Variants in CTNNA2 observed in about 807,000 individuals in gnomAD.
CTNNA2 encodes catenin alpha 2.
In CTNNA2, 42 loss-of-function variants were observed where a neutral mutation model predicts 101.0. The ratio of observed to expected loss-of-function variants is 0.42; its 90% CI spans 0.32 to 0.54. The LOEUF (loss-of-function observed/expected upper bound fraction) is 0.54, where lower values mean the gene tolerates loss of function less well. Among genes scored for constraint, CTNNA2 ranks in the 20% least tolerant of loss-of-function variants. The pLI is 0.14. For synonymous variants in CTNNA2, 450 were observed against 456.4 expected (o/e 0.99, Z 0.18); for missense variants, 871 against 1,223.1 (o/e 0.71, Z 4.29).
chr2:80,351,982 G>T (rs1257459103), intron 7 of CTNNA2, among the ~76,000 whole-genome samples: 1 of 152,026 alleles, frequency 6.6e-6, no homozygotes, highest in African/African-American at 2.4e-5. Context: ...TCCTCTCTTT[G>T]CAGGGACACA....
At chr2:79,307,986 A>G (rs1676284965) in intron 2 of CTNNA2, among the ~76,000 whole-genome samples, 1 of 151,602 alleles carries the variant, frequency 6.6e-6, no homozygotes, top group African/African-American at 2.4e-5. Context: ...CATTTTTTTG[A>G]TATATTTATT....
intron 3 of CTNNA2, among the ~76,000 whole-genome samples, chr2:79,352,301 G>T: frequency 6.6e-6 from 1 of 151,578 alleles, no homozygotes; most frequent in African/African-American, 2.4e-5. Context: ...TTTCTTCCTG[G>T]TTCAATCTTG....
chr2:80,512,222 C>G (rs1302389920), intron 9 of CTNNA2, among the ~76,000 whole-genome samples: 1 of 149,612 alleles, frequency 6.7e-6, no homozygotes, highest in Non-Finnish European at 1.5e-5. Flanking sequence ...ATTTAATTCT[C>G]ATCTGTTAGA....
intron 2 of CTNNA2, among the ~76,000 whole-genome samples, chr2:79,723,764 T>G (rs2104877485): frequency 6.6e-6 from 1 of 152,180 alleles, no homozygotes; most frequent in East Asian, 2.0e-4. Context: ...CCCCCCGCTC[T>G]AATGGTTCGA....
At position 79,226,222 on chromosome 2, in the gene CTNNA2, T is replaced by G. The variant is rs557383928; in HGVS notation, c.-406+28146T>G. The stretch of plus-strand genomic sequence containing the variant: ...TATTTTTCCTTGAAAGATTATATGA[T>G]GTACTCATGAAAAATAAACTTCACT... On this transcript the variant is annotated intron_variant, in intron 2 of 21. Coordinates refer to the CTNNA2 transcript ENST00000466387. Among the ~76,000 whole-genome samples, 91 of 152,302 alleles carry G rather than the reference T, an allele frequency of 6.0e-4. 1 individual carries two copies. The South Asian group carries it at 9.3e-3, about 16-fold the overall frequency.
intron 9 of CTNNA2, among the ~76,000 whole-genome samples, chr2:80,479,970 T>G (rs1686025474): frequency 6.6e-6 from 1 of 152,158 alleles, no homozygotes; most frequent in Non-Finnish European, 1.5e-5. Context: ...TTAAGGAAGA[T>G]ATCTAGACTT....
intron 3 of CTNNA2, among the ~76,000 whole-genome samples, chr2:79,345,957 C>T (rs1677254054): frequency 6.6e-6 from 1 of 151,690 alleles, no homozygotes; most frequent in Admixed American, 6.6e-5. Flanking sequence ...ATCTCGGCCT[C>T]CCAAAGTGCT....
intron 4 of CTNNA2, among the ~76,000 whole-genome samples, chr2:79,443,582 A>T (rs1678798929): frequency 1.3e-5 from 2 of 152,144 alleles, no homozygotes; most frequent in Admixed American, 1.3e-4. Flanking sequence ...AAGTTGACAC[A>T]TGGAATTAAC....
chr2:79,693,519 T>C (rs1684459397), intron 2 of CTNNA2, among the ~76,000 whole-genome samples: 1 of 151,964 alleles, frequency 6.6e-6, no homozygotes, highest in Non-Finnish European at 1.5e-5. Context: ...GTTTTTGTAC[T>C]AATGGGAATA....
At chr2:79,307,277 T>C (rs1676268689) in intron 2 of CTNNA2, among the ~76,000 whole-genome samples, 1 of 152,206 alleles carries the variant, frequency 6.6e-6, no homozygotes, top group Non-Finnish European at 1.5e-5. Context: ...TTTGAAATTA[T>C]ATCAGATATT....
intron 2 of CTNNA2, among the ~76,000 whole-genome samples, chr2:79,257,200 A>G: frequency 6.6e-6 from 1 of 152,192 alleles, no homozygotes; most frequent in East Asian, 1.9e-4. Flanking sequence ...ACACATATAC[A>G]CAACCAAAAA....
chr2:79,911,803 A>G (rs1008445855), intron 7 of CTNNA2, among the ~76,000 whole-genome samples: 2 of 152,222 alleles, frequency 1.3e-5, no homozygotes, highest in African/African-American at 4.8e-5. Flanking sequence ...AAACTGTATA[A>G]CATTTAGTTG....
At chr2:79,786,083 C>G (rs902125622) in intron 3 of CTNNA2, among the ~76,000 whole-genome samples, 2 of 152,082 alleles carry the variant, frequency 1.3e-5, no homozygotes, top group Non-Finnish European at 2.9e-5. Context: ...TGGAAGAGGT[C>G]TTATCCCATT....
intron 7 of CTNNA2, among the ~76,000 whole-genome samples, chr2:80,109,891 G>C (rs905538296): frequency 4.6e-5 from 7 of 152,098 alleles, no homozygotes; most frequent in Non-Finnish European, 8.8e-5. Context: ...TCAAGTCATG[G>C]TTGTCTATGT....
intron 3 of CTNNA2, among the ~76,000 whole-genome samples, chr2:79,321,387 G>A (rs780782756): frequency 4.6e-5 from 7 of 150,932 alleles, no homozygotes; most frequent in South Asian, 4.3e-4. Flanking sequence ...AAACCAATAC[G>A]TATGAAAGTA....
chr2:79,439,555 G>T (rs918892943), intron 4 of CTNNA2, among the ~76,000 whole-genome samples: 1 of 152,136 alleles, frequency 6.6e-6, no homozygotes, highest in African/African-American at 2.4e-5. Context: ...CTTTGAATGG[G>T]TAGCTTGTTT....
chr2:80,198,986 A>G (rs1558895214), intron 7 of CTNNA2, among the ~76,000 whole-genome samples: 2 of 151,708 alleles, frequency 1.3e-5, no homozygotes, highest in African/African-American at 2.4e-5. Context: ...TTCAAGACCA[A>G]CCTAGCCAAC....
rs200707150 is a variant in CTNNA2, at chr2:80,210,576, G to T, written c.1057-182635G>T. 1.6e-4 allele frequency among the ~76,000 whole-genome samples: 24 copies of T among 152,244 alleles called. 1 individual carries two copies. The East Asian group carries it at 4.6e-3, about 29-fold the overall frequency. ...TTTTATGGCTGCGTAGTTTTCCATG[G>T]TATATATGTGCCACATTTTCTTAAT... is the stretch of plus-strand genomic sequence containing the variant. On this transcript the variant is annotated intron_variant, in intron 7 of 18. Transcript: ENST00000402739.
intron 3 of CTNNA2, among the ~76,000 whole-genome samples, chr2:79,846,738 G>A (rs986401549): frequency 2.6e-5 from 4 of 152,216 alleles, no homozygotes; most frequent in African/African-American, 9.6e-5. Context: ...AGCCATTAAA[G>A]ATTTTGATAG....
Sources: gnomAD v4.1 joint callset for allele counts (sites outside exome capture counted in the v4.1 genomes callset) on GRCh38, gnomAD v4.1.1 for gene constraint, MANE v1.5 for transcripts, NCBI Gene and HGNC (gene_info 2026-07-23, HGNC 2026-07-21) for gene names.